CNTN5: variants seen among roughly 807,000 people sequenced by gnomAD.
CNTN5 encodes contactin 5.
A neutral mutation model predicts 129.1 loss-of-function variants in CNTN5; 77 were observed. The ratio of observed to expected loss-of-function variants is 0.60; its 90% CI spans 0.50 to 0.72. The LOEUF is 0.72. Among genes scored for constraint, CNTN5 ranks in the 30% least tolerant of loss-of-function variants. The pLI is 0.00. For synonymous variants in CNTN5, 509 were observed against 465.6 expected (o/e 1.09, Z -1.20); for missense variants, 1,478 against 1,328.8 (o/e 1.11, Z -1.75).
intron 3 of CNTN5, among the ~76,000 whole-genome samples, chr11:99,784,546 G>A (rs180968453): frequency 5.4e-4 from 82 of 152,132 alleles, no homozygotes; most frequent in African/African-American, 1.7e-3. Flanking sequence ...GTGTGCATGT[G>A]TCTTTATAGT....
At chr11:99,902,510 C>A (rs971339328) in intron 6 of CNTN5, among the ~76,000 whole-genome samples, 2 of 152,048 alleles carry the variant, frequency 1.3e-5, no homozygotes, top group African/African-American at 4.8e-5. Flanking sequence ...AGTAAATAGA[C>A]ATATTAGTCC....
intron 1 of CNTN5, among the ~76,000 whole-genome samples, chr11:99,249,497 G>T (rs1298561917): frequency 6.6e-6 from 1 of 151,790 alleles, no homozygotes; most frequent in African/African-American, 2.4e-5. Flanking sequence ...AATGTATTTT[G>T]GAAACAAAGG....
intron 2 of CNTN5, among the ~76,000 whole-genome samples, chr11:99,464,314 A>C (rs1388732177): frequency 6.6e-6 from 1 of 152,218 alleles, no homozygotes. Context: ...AGCACATGTT[A>C]TCATTGGAAG....
chr11:99,975,707 C>A (rs115847361), intron 8 of CNTN5, among the ~76,000 whole-genome samples: 38 of 152,142 alleles, frequency 2.5e-4, no homozygotes, highest in African/African-American at 8.9e-4. Flanking sequence ...TCTACCACCC[C>A]CCTGATCCAA....
intron 6 of CNTN5, among the ~76,000 whole-genome samples, chr11:99,912,295 A>T (rs1949681798): frequency 1.3e-5 from 2 of 151,974 alleles, no homozygotes; most frequent in Admixed American, 1.3e-4. Flanking sequence ...TACATGGTAA[A>T]TGTTCATGGT....
intron 17 of CNTN5, among the ~76,000 whole-genome samples, chr11:100,264,581 C>T (rs987083943): frequency 6.6e-6 from 1 of 152,128 alleles, no homozygotes; most frequent in African/African-American, 2.4e-5. Flanking sequence ...TTCATGACTA[C>T]ATAATACTCC....
chr11:99,806,406 A>C (rs1946270821), intron 3 of CNTN5, among the ~76,000 whole-genome samples: 1 of 152,192 alleles, frequency 6.6e-6, no homozygotes, highest in Non-Finnish European at 1.5e-5. Flanking sequence ...GAAGAAAGTA[A>C]ATATATAAAT....
chr11:99,687,524 G>T (rs1456920354), intron 3 of CNTN5, among the ~76,000 whole-genome samples: 3 of 152,158 alleles, frequency 2.0e-5, no homozygotes, highest in African/African-American at 7.2e-5. Context: ...AAAGGTCAAG[G>T]CCAGAAGGCA....
intron 6 of CNTN5, among the ~76,000 whole-genome samples, chr11:99,866,227 T>A (rs1424208527): frequency 1.3e-5 from 2 of 152,126 alleles, no homozygotes; most frequent in Non-Finnish European, 2.9e-5. Flanking sequence ...TAACCCAAAC[T>A]TTTTTCCCCC....
chr11:99,808,293 A>G (rs1274433694), intron 3 of CNTN5, among the ~76,000 whole-genome samples: 1 of 152,160 alleles, frequency 6.6e-6, no homozygotes, highest in Non-Finnish European at 1.5e-5. Flanking sequence ...ATTTTAGCCC[A>G]CTTGATGTCT....
At chr11:99,366,118 G>A (rs557526303) in intron 2 of CNTN5, among the ~76,000 whole-genome samples, 27 of 152,264 alleles carry the variant, frequency 1.8e-4, no homozygotes, top group African/African-American at 6.3e-4. Context: ...TCAATACAAA[G>A]TGGAATTACC....
intron 1 of CNTN5, among the ~76,000 whole-genome samples, chr11:99,134,014 A>G (rs1433342195): frequency 6.6e-6 from 1 of 152,184 alleles, no homozygotes; most frequent in African/African-American, 2.4e-5. Flanking sequence ...AATGCCTATC[A>G]ATGATAGACT....
intron 1 of CNTN5, among the ~76,000 whole-genome samples, chr11:99,057,150 A>T (rs939957499): frequency 6.6e-6 from 1 of 152,036 alleles, no homozygotes; most frequent in African/African-American, 2.4e-5. Context: ...TACCTTTGAA[A>T]TGCCTGAAGA....
At chr11:99,990,453 TATACACAC>T (rs1367640802) in intron 8 of CNTN5, among the ~76,000 whole-genome samples, 3 of 143,976 alleles carry the variant, frequency 2.1e-5, no homozygotes, top group Non-Finnish European at 3.0e-5. Context: ...AATATATATA[TATACACAC>T]ACACACACAC....
chr11:99,590,745 G>A (rs1431988924), intron 3 of CNTN5, among the ~76,000 whole-genome samples: 7 of 152,118 alleles, frequency 4.6e-5, no homozygotes, highest in Non-Finnish European at 1.0e-4. Flanking sequence ...AGTAAGCAAA[G>A]GGAACAATGG....
chr11:99,311,710 A>G (rs1279667096), intron 1 of CNTN5, among the ~76,000 whole-genome samples: 1 of 152,172 alleles, frequency 6.6e-6, no homozygotes, highest in African/African-American at 2.4e-5. Flanking sequence ...CTTTAAATCA[A>G]TAGTGTTAGT....
In CNTN5 at chr11:99,857,796, C is replaced by T. The variant is rs371370120; in HGVS notation, c.577+12534C>T. ...GAGAGAAGAAAACTCTCTGACTTTC[C>T]TTTTTAAATATAGTTCTATAATTCT... On this transcript the variant is annotated intron_variant, in intron 6 of 24. Coordinates refer to ENST00000524871, the MANE Select transcript of CNTN5 (RefSeq NM_014361.4). Among the ~76,000 whole-genome samples, 221 of 152,086 alleles carry T rather than the reference C, an allele frequency of 1.5e-3. 2 individuals carry two copies. Among genetic ancestry groups the T allele is most frequent in the African/African-American group, 5.0e-3 (206 of 41,504 alleles).
At chr11:100,095,777 T>C (rs1944988351) in intron 13 of CNTN5, among the ~76,000 whole-genome samples, 1 of 152,092 alleles carries the variant, frequency 6.6e-6, no homozygotes, top group Non-Finnish European at 1.5e-5. Flanking sequence ...GAGAAAACAA[T>C]TAAAGAAAAT....
chr11:99,909,059 A>C (rs1189339159), intron 6 of CNTN5, among the ~76,000 whole-genome samples: 2 of 152,078 alleles, frequency 1.3e-5, no homozygotes, highest in South Asian at 2.1e-4. Flanking sequence ...CTCCAGCTGA[A>C]TCTTAATTCA....
Sources: allele counts gnomAD v4.1 joint callset (sites outside exome capture counted in the v4.1 genomes callset), GRCh38; gene constraint gnomAD v4.1.1; transcripts MANE v1.5; gene names NCBI Gene and HGNC (gene_info 2026-07-23, HGNC 2026-07-21).